CAND1: variants seen among roughly 807,000 people sequenced by gnomAD.
CAND1 encodes cullin-associated NEDD8-dissociated protein 1.
CAND1 carries 7 observed loss-of-function variants against 108.5 expected under a neutral mutation model. The ratio of observed to expected loss-of-function variants is 0.06; its 90% CI spans 0.04 to 0.12. The LOEUF is 0.12. Ranked by LOEUF, CAND1 falls within the 10% of genes least tolerant of loss-of-function variation. The pLI, the probability that CAND1 is intolerant of heterozygous loss-of-function variation, is 1.00. For missense variants in CAND1, 941 were observed against 1,448.7 expected, an observed-to-expected ratio of 0.65 and a Z score of 5.69; for synonymous variants, 534 against 512.0, an observed-to-expected ratio of 1.04 and a Z score of -0.58.
rs1321515614 is a variant in CAND1 at position 67,292,534 on chromosome 12, G to C, written c.213-88G>C. 3 of 859,544 alleles carry C rather than the reference G, an allele frequency of 3.5e-6. No individual in the cohort carries two copies. The Admixed American group carries it at 9.2e-5, about 26-fold the overall frequency. The allele number at this position is 859,544 out of a possible 1,614,324, so 53.2% of individuals were successfully genotyped here. On this transcript the variant is annotated intron_variant, in intron 2 of 14. Coordinates refer to ENST00000545606, the MANE Select transcript of CAND1 (RefSeq NM_018448.5). ...TATATACTTTATCTTGAAAGTTCTAGGCGGAAAGGTTAACATTTCTACTTA... is the reference window on the plus strand; with the variant it reads ...TATATACTTTATCTTGAAAGTTCTACGCGGAAAGGTTAACATTTCTACTTA...
intron 2 of CAND1, among the ~76,000 whole-genome samples, chr12:67,291,338 A>G (rs1410771278): frequency 6.6e-6 from 1 of 152,198 alleles, no homozygotes; most frequent in Non-Finnish European, 1.5e-5. Context: ...AAGTATATAA[A>G]AGGCACATTG....
intron 4 of CAND1, among the ~76,000 whole-genome samples, chr12:67,297,017 C>T (rs1454899902): frequency 2.0e-5 from 3 of 152,002 alleles, no homozygotes; most frequent in Non-Finnish European, 2.9e-5. Flanking sequence ...AGGCTGGTCT[C>T]GAACTCCTGG....
At chr12:67,280,520 A>G (rs2044609854) in intron 1 of CAND1, among the ~76,000 whole-genome samples, 1 of 152,202 alleles carries the variant, frequency 6.6e-6, no homozygotes, top group African/African-American at 2.4e-5. Context: ...CTAAAACTGT[A>G]TCTGGTTCAA....
chr12:67,283,415 C>G (rs2044638338), intron 2 of CAND1, among the ~76,000 whole-genome samples: 1 of 152,044 alleles, frequency 6.6e-6, no homozygotes. Flanking sequence ...GAAACCCTGT[C>G]TCTACTAAAA....
intron 11 of CAND1, among the ~76,000 whole-genome samples, 180 bp from the exon 12 acceptor site, chr12:67,309,721 G>A (rs750421702): frequency 1.3e-5 from 2 of 151,964 alleles, no homozygotes; most frequent in Non-Finnish European, 2.9e-5. Flanking sequence ...TGATAGTTGC[G>A]TTGCTGCTGA....
chr12:67,287,108 G>A (rs1420940044), intron 2 of CAND1, among the ~76,000 whole-genome samples: 2 of 152,114 alleles, frequency 1.3e-5, no homozygotes, highest in African/African-American at 2.4e-5. Context: ...AATTCTTTTT[G>A]TTGTTGGGAG....
intron 3 of CAND1, among the ~76,000 whole-genome samples, chr12:67,294,432 A>G (rs1405675535): frequency 6.6e-6 from 1 of 152,138 alleles, no homozygotes; most frequent in African/African-American, 2.4e-5. Flanking sequence ...TGGAGCTCAG[A>G]ATATATGCTT....
rs2044887145 is a variant in CAND1, at chr12:67,306,470, C to T, written c.2802C>T (p.Ala934=). 6.2e-7 allele frequency: 1 copy of T among 1,613,924 alleles called. No homozygotes were observed. Among genetic ancestry groups the T allele is most frequent in the South Asian group, 1.1e-5 (1 of 91,074 alleles). The change falls in exon 10 of 15, where the codon GCC becomes GCT. Residue 934 remains alanine (A), a synonymous_variant. Coordinates refer to ENST00000545606, the MANE Select transcript of CAND1 (RefSeq NM_018448.5). The part of the protein sequence containing the change: ...GLKPYVENIW[A]LLLKHCECAE... The stretch of plus-strand genomic sequence containing the variant: ...AACCATATGTTGAAAACATCTGGGC[C>T]TTATTACTAAAGCACTGTGAGTGTG...
intron 8 of CAND1, 76 bp downstream of exon 8, chr12:67,302,691 T>G (rs1052895411): frequency 7.7e-7 from 1 of 1,305,310 alleles, no homozygotes; most frequent in African/African-American, 1.5e-5. Context: ...TATGGAAAGG[T>G]GAGTTCCAGA....
rs996389880 is a variant in CAND1, at chr12:67,319,762, C to G, written c.*6932C>G. Reference sequence around the variant, plus strand: ...GTCACTTGTCTGGACTAAAAGTAACCCCTCCTTGTCTGGTTTGTGACTTTC... The same window carrying G: ...GTCACTTGTCTGGACTAAAAGTAACGCCTCCTTGTCTGGTTTGTGACTTTC... On this transcript the variant is annotated 3_prime_UTR_variant, in exon 15 of 15. Transcript: ENST00000545606. The G allele has an allele frequency of 6.6e-6, 1 of 152,156 alleles. No individual in the cohort carries two copies. Among genetic ancestry groups the G allele is most frequent in the Admixed American group, 6.5e-5 (1 of 15,276 alleles). 9.4% of individuals were successfully genotyped at this position (152,156 alleles called of 1,614,324 possible).
chr12:67,295,026 C>A lies in CAND1; in HGVS notation c.368-7C>A. ...TTGAAATTATTATTGGCTTCTTATTCATGCAGGCTCTGCATTAGCTGCTAA... is the reference window on the plus strand; with the variant it reads ...TTGAAATTATTATTGGCTTCTTATTAATGCAGGCTCTGCATTAGCTGCTAA... On this transcript the variant is annotated splice_region_variant and splice_polypyrimidine_tract_variant and intron_variant, in intron 3 of 14. Transcript: ENST00000545606. 6.2e-7 allele frequency: 1 copy of A among 1,606,970 alleles called. No homozygotes were observed.
In CAND1 at chr12:67,269,363, G is replaced by T; in HGVS notation, c.-355G>T. The T allele has an allele frequency of 3.5e-6, 1 of 285,332 alleles. No individual in the cohort carries two copies. The highest frequency in any genetic ancestry group is 6.6e-6 in the Non-Finnish European group (1 of 152,266). 17.7% of individuals were successfully genotyped at this position (285,332 alleles called of 1,614,324 possible). A position where few individuals can be genotyped will look rare whatever the true frequency, so the allele number is the denominator to read the frequency against. ...CGAAGGAGGCGGGCTTTGGCCTTTT[G>T]CCCTAGGGAGCGAGTGCGGAGCGAG... On this transcript the variant is annotated 5_prime_UTR_variant, in exon 1 of 15. Transcript: ENST00000545606.
At chr12:67,299,302 A>G (rs879703452) in intron 7 of CAND1, among the ~76,000 whole-genome samples, 7 of 152,146 alleles carry the variant, frequency 4.6e-5, no homozygotes, top group Non-Finnish European at 1.0e-4. Flanking sequence ...ATGTCTAAAA[A>G]TCATTCATTA....
At chr12:67,282,103 GTTT>G (rs1476281319) in intron 2 of CAND1, 50 bp downstream of exon 2, 1 of 1,584,088 alleles carries the variant, frequency 6.3e-7, no homozygotes, top group Non-Finnish European at 8.6e-7. Context: ...CCCCAACCCT[GTTT>G]TTAAAAACTC....
intron 7 of CAND1, among the ~76,000 whole-genome samples, chr12:67,300,262 A>C (rs1048463189): frequency 1.9e-5 from 2 of 105,524 alleles, no homozygotes; most frequent in Non-Finnish European, 3.8e-5. Flanking sequence ...GAGTATCCCA[A>C]GGCTCAGTCC....
chr12:67,269,979 C>G (rs893362763), intron 1 of CAND1, 194 bp downstream of exon 1: 9 of 548,500 alleles, frequency 1.6e-5, no homozygotes, highest in Non-Finnish European at 2.6e-5. Context: ...CCCCCTCCCC[C>G]CATTCTTTCT....
At chr12:67,308,375 AAAC>A (rs1016272435) in intron 11 of CAND1, among the ~76,000 whole-genome samples, 6 of 152,070 alleles carry the variant, frequency 3.9e-5, no homozygotes, top group Non-Finnish European at 5.9e-5. Context: ...TCTATATGAG[AAAC>A]AACTTATTGG....
intron 1 of CAND1, among the ~76,000 whole-genome samples, chr12:67,272,019 T>A (rs922384186): frequency 6.6e-5 from 10 of 152,334 alleles, no homozygotes; most frequent in Admixed American, 2.6e-4. Flanking sequence ...TTTGCTCTTT[T>A]TTAAAAAAAT....
chr12:67,304,720 C>T lies in CAND1; in HGVS notation c.1409C>T (p.Thr470Ile), dbSNP rs768396537. Residue 470 changes from threonine to isoleucine, a missense_variant, in exon 9 of 15, where the codon ACT (threonine) becomes ATT (isoleucine). Thr to Ile is a moderately conservative substitution (Grantham distance 89). Around this residue, in one of 9 missense-constraint regions of CAND1, gnomAD observed 697 missense variants for 942.0 expected, o/e 0.74. Coordinates refer to ENST00000545606, the MANE Select transcript of CAND1 (RefSeq NM_018448.5). ...GTAAATGTATTACCTGGGGCCCTAA[C>T]TCAACACATTCCTGTACTTGTACCA... is the stretch of plus-strand genomic sequence containing the variant. The part of the protein sequence containing the change: ...ELVNVLPGAL[T>I]QHIPVLVPGI... 1.9e-6 allele frequency: 3 copies of T among 1,613,890 alleles called. No individual in the cohort carries two copies. Among genetic ancestry groups the T allele is most frequent in the East Asian group, 2.2e-5 (1 of 44,814 alleles).
Sources: gnomAD v4.1 joint callset for allele counts (sites outside exome capture counted in the v4.1 genomes callset) on GRCh38, gnomAD v4.1.1 for gene constraint, gnomAD v4.1.1 regional missense constraint, MANE v1.5 for transcripts, NCBI Gene and HGNC (gene_info 2026-07-23, HGNC 2026-07-21) for gene names.